RAP1GAP2: variants seen among roughly 807,000 people sequenced by gnomAD.
The protein encoded by RAP1GAP2 is RAP1 GTPase activating protein 2.
A neutral mutation model predicts 95.0 loss-of-function variants in RAP1GAP2; 27 were observed. The observed-to-expected ratio is 0.28, with a 90% CI of 0.21 to 0.39. The LOEUF is 0.39. Ranked by LOEUF, RAP1GAP2 falls within the 10% of genes least tolerant of loss-of-function variation. RAP1GAP2 has a pLI of 1.00. For missense variants in RAP1GAP2, 771 were observed against 970.0 expected, an observed-to-expected ratio of 0.79 and a Z score of 2.72; for synonymous variants, 373 against 380.9, an observed-to-expected ratio of 0.98 and a Z score of 0.24.
At chr17:2,909,875 A>AGT (rs2042315526) in intron 3 of RAP1GAP2, among the ~76,000 whole-genome samples, 1 of 152,118 alleles carries the variant, frequency 6.6e-6, no homozygotes, top group African/African-American at 2.4e-5. Flanking sequence ...GTTGGGGGTC[A>AGT]GTGTGTGTGG....
chr17:2,930,773 C>A (rs543547748), intron 3 of RAP1GAP2, among the ~76,000 whole-genome samples: 12 of 152,096 alleles, frequency 7.9e-5, no homozygotes, highest in African/African-American at 1.9e-4. Context: ...AGAAACTGCA[C>A]GAAACAAAAC....
Position 2,827,988 on chromosome 17 carries a change from G to A in RAP1GAP2, c.80+27438G>A, listed in dbSNP as rs2070653881. Among the ~76,000 whole-genome samples the A allele has an allele frequency of 6.6e-6, 1 of 152,154 alleles. No individual in the cohort carries two copies. Among genetic ancestry groups the A allele is most frequent in the Non-Finnish European group, 1.5e-5 (1 of 68,036 alleles). The stretch of plus-strand genomic sequence containing the variant: ...GGGGAGCCACAAGAGGCCGTCCCTG[G>A]GCCTGCAAGCATGAGATGAGCCGAG... On this transcript the variant is annotated intron_variant, in intron 2 of 24. Coordinates refer to ENST00000254695, the MANE Select transcript of RAP1GAP2 (RefSeq NM_015085.5). The surrounding 1 kb of genome is among the most constrained non-coding windows in gnomAD (Gnocchi z 4.1).
At chr17:2,976,577 A>C (rs2045130607) in intron 8 of RAP1GAP2, among the ~76,000 whole-genome samples, 1 of 152,198 alleles carries the variant, frequency 6.6e-6, no homozygotes, top group Non-Finnish European at 1.5e-5. Flanking sequence ...AGAGATGTAT[A>C]GTTCTAAATG....
intron 4 of RAP1GAP2, among the ~76,000 whole-genome samples, chr17:2,961,277 A>G (rs1249813037): frequency 1.4e-5 from 2 of 147,796 alleles, no homozygotes; most frequent in East Asian, 2.1e-4. Flanking sequence ...CACTTTGGGA[A>G]GCCAAGGCGG....
chr17:2,998,293 C>T lies in RAP1GAP2; in HGVS notation c.1117C>T (p.Pro373Ser), dbSNP rs2046034927. ...IFQEENTPFV[P>S]DMIASNFLHA... is the part of the protein sequence containing the mutation. ...CCAAGAGGAAAACACGCCGTTTGTC[C>T]CAGACATGATAGCCTCCAATTTCTT... The change falls in exon 14 of 25, where the codon CCA (proline) becomes TCA (serine). Residue 373 changes from proline to serine, a missense_variant. Coordinates refer to ENST00000254695, the MANE Select transcript of RAP1GAP2 (RefSeq NM_015085.5). 1 of 1,613,882 alleles carries T rather than the reference C, an allele frequency of 6.2e-7. No homozygotes were observed.
chr17:2,954,631 T>C (rs534449550), intron 3 of RAP1GAP2, among the ~76,000 whole-genome samples: 1 of 152,102 alleles, frequency 6.6e-6, no homozygotes, highest in Non-Finnish European at 1.5e-5. Flanking sequence ...TCTTGCTCTG[T>C]TGCCCAGGCT....
intron 3 of RAP1GAP2, among the ~76,000 whole-genome samples, chr17:2,909,628 C>T (rs752835645): frequency 6.6e-6 from 1 of 152,234 alleles, no homozygotes; most frequent in Non-Finnish European, 1.5e-5. Flanking sequence ...GGAGGGGCCT[C>T]AGGCAGGCCC....
chr17:2,858,945 A>G (rs550577271), intron 2 of RAP1GAP2, among the ~76,000 whole-genome samples: 2 of 152,212 alleles, frequency 1.3e-5, no homozygotes, highest in South Asian at 2.1e-4. Flanking sequence ...CACTACCGTT[A>G]TTATACCCTC....
At chr17:3,010,927 T>A (rs2046514360) in intron 17 of RAP1GAP2, among the ~76,000 whole-genome samples, 1 of 152,102 alleles carries the variant, frequency 6.6e-6, no homozygotes, top group Non-Finnish European at 1.5e-5. Flanking sequence ...TAAATTTTTT[T>A]ATTTTTTAAT....
rs200341493 is a variant in RAP1GAP2, at chr17:2,904,882, A to ATT, written c.81-392_81-391dup. The stretch of plus-strand genomic sequence containing the variant: ...CTCCCAATTCTGGTTTCTGCATTGT[A>ATT]TTTTTTTTTTTAATTGGAAACGGAG... On this transcript the variant is annotated intron_variant, in intron 2 of 24. Transcript: ENST00000254695. This position sits in a 1 kb window ranked among gnomAD's most constrained non-coding sequence, Gnocchi z 4.7. Among the ~76,000 whole-genome samples the ATT allele has an allele frequency of 1.0e-3, 147 of 147,490 alleles. No homozygotes were observed. The highest frequency in any genetic ancestry group is 3.3e-3 in the African/African-American group (133 of 40,306).
intron 2 of RAP1GAP2, among the ~76,000 whole-genome samples, chr17:2,877,493 A>AT (rs1354153568): frequency 6.6e-6 from 1 of 152,110 alleles, no homozygotes; most frequent in Non-Finnish European, 1.5e-5. Context: ...CACACCTGTA[A>AT]TCCCAGCACT....
chr17:2,946,884 A>G (rs1020205998), intron 3 of RAP1GAP2, among the ~76,000 whole-genome samples: 3 of 152,140 alleles, frequency 2.0e-5, no homozygotes, highest in Non-Finnish European at 4.4e-5. Flanking sequence ...CCTCCCAAGT[A>G]GCTGGGATTA....
chr17:2,759,711 A>G (rs2071209161), intron 1 of RAP1GAP2, among the ~76,000 whole-genome samples: 1 of 151,914 alleles, frequency 6.6e-6, no homozygotes, highest in South Asian at 2.1e-4. Flanking sequence ...TTGGCCTCCC[A>G]AAATGCTGGG....
At chr17:2,922,311 T>C (rs4790387) in intron 3 of RAP1GAP2, among the ~76,000 whole-genome samples, 82,555 of 152,134 alleles carry the variant, frequency 0.54, 24,765 homozygotes, top group African/African-American at 0.81. Context: ...GTCACCTCCC[T>C]AGGCCTTGCC....
At chr17:2,973,342 C>T (rs2044953565) in intron 8 of RAP1GAP2, among the ~76,000 whole-genome samples, 1 of 151,998 alleles carries the variant, frequency 6.6e-6, no homozygotes, top group African/African-American at 2.4e-5. Context: ...GTGGCGAAAC[C>T]CTGTCTCTAC....
chr17:2,816,241 T>G lies in RAP1GAP2; in HGVS notation c.80+15691T>G, dbSNP rs144300395. Among the ~76,000 whole-genome samples the G allele has an allele frequency of 1.4e-3, 214 of 151,356 alleles. 3 individuals are homozygous for G. Among genetic ancestry groups the G allele is most frequent in the African/African-American group, 4.3e-3 (178 of 41,340 alleles). On this transcript the variant is annotated intron_variant, in intron 2 of 24. Coordinates refer to ENST00000254695, the MANE Select transcript of RAP1GAP2 (RefSeq NM_015085.5). ...CAGAGGTGCTGTTTTGTTTTGTTTT[T>G]TTTTTTTCTTAGGATAATGACATGC...
intron 3 of RAP1GAP2, among the ~76,000 whole-genome samples, chr17:2,909,510 G>A (rs2042302690): frequency 6.6e-6 from 1 of 152,162 alleles, no homozygotes; most frequent in South Asian, 2.1e-4. Flanking sequence ...GGGTGCTCAG[G>A]AATCTGGACC....
At chr17:2,950,818 C>A (rs2043897796) in intron 3 of RAP1GAP2, among the ~76,000 whole-genome samples, 1 of 152,010 alleles carries the variant, frequency 6.6e-6, no homozygotes, top group Middle Eastern at 3.2e-3. Flanking sequence ...ATCATGTTGG[C>A]CAGGCTGGTC....
intron 3 of RAP1GAP2, among the ~76,000 whole-genome samples, chr17:2,943,177 A>G (rs77640690): frequency 0.012 from 1,792 of 151,654 alleles, 30 homozygotes; most frequent in African/African-American, 0.04. Flanking sequence ...TTCTGTCTTT[A>G]TAGATTTACC....
Sources: allele counts gnomAD v4.1 joint callset (sites outside exome capture counted in the v4.1 genomes callset), GRCh38; gene constraint gnomAD v4.1.1; non-coding constraint Gnocchi (gnomAD v3.1); transcripts MANE v1.5; gene names NCBI Gene and HGNC (gene_info 2026-07-23, HGNC 2026-07-21).